Variants in SCRG1 observed in about 807,000 individuals in gnomAD.
SCRG1 encodes stimulator of chondrogenesis 1, also known as scrapie-responsive protein 1.
Under a neutral mutation model 7.7 loss-of-function variants are expected in SCRG1, and 3 were observed. The observed-to-expected ratio is 0.39, with a 90% confidence interval of 0.18 to 1.01. The LOEUF is 1.01. Among genes scored for constraint, SCRG1 ranks in the 50% least tolerant of loss-of-function variants. The probability of loss-of-function intolerance (pLI) is 0.36; values close to 1 mark genes in which losing one functional copy is unlikely to be tolerated. For synonymous variants in SCRG1, 46 were observed against 41.2 expected (o/e 1.12, Z -0.44); for missense variants, 110 against 117.2 (o/e 0.94, Z 0.28).
chr4:173,497,326 C>A, the SCRG1 span, among the ~76,000 whole-genome samples: 1 of 152,104 alleles, frequency 6.6e-6, no homozygotes, highest in Non-Finnish European at 1.5e-5. Context: ...TGCCTCACTG[C>A]CTACCTATGG....
the SCRG1 span, among the ~76,000 whole-genome samples, chr4:173,432,946 G>A: frequency 1.3e-5 from 2 of 152,186 alleles, no homozygotes; most frequent in Non-Finnish European, 2.9e-5. Context: ...AGGATTACAT[G>A]AGGAATTTTT....
At chr4:173,512,121 T>G in the SCRG1 span, among the ~76,000 whole-genome samples, 7 of 152,364 alleles carry the variant, frequency 4.6e-5, no homozygotes, top group South Asian at 1.4e-3. Flanking sequence ...GGCCTTTGGC[T>G]TCCAGTCTGA....
At chr4:173,482,876 TTA>T in the SCRG1 span, among the ~76,000 whole-genome samples, 244 of 141,598 alleles carry the variant, frequency 1.7e-3, 1 homozygote, top group Non-Finnish European at 2.8e-3. Context: ...TATATATTTT[TTA>T]TATGTTATAT....
At chr4:173,463,946 C>T in the SCRG1 span, among the ~76,000 whole-genome samples, 7 of 152,154 alleles carry the variant, frequency 4.6e-5, no homozygotes, top group South Asian at 2.1e-4. Flanking sequence ...CAAGATTCAA[C>T]GGACAATGGG....
chr4:173,484,418 T>C, the SCRG1 span, among the ~76,000 whole-genome samples: 2 of 72,404 alleles, frequency 2.8e-5, no homozygotes, highest in Non-Finnish European at 4.7e-5. Flanking sequence ...ACATATAATA[T>C]ATATTATATA....
the SCRG1 span, among the ~76,000 whole-genome samples, chr4:173,445,569 A>T: frequency 7.9e-6 from 1 of 126,078 alleles, no homozygotes; most frequent in Non-Finnish European, 1.7e-5. Flanking sequence ...GTGACAGAGT[A>T]AGACTCCGTC....
the SCRG1 span, chr4:173,469,557 A>T: frequency 6.6e-6 from 1 of 152,324 alleles, no homozygotes. Flanking sequence ...CAAATTCTAT[A>T]AACTCCCTAT....
the SCRG1 span, among the ~76,000 whole-genome samples, chr4:173,458,693 C>T: frequency 1.3e-5 from 2 of 152,040 alleles, no homozygotes; most frequent in African/African-American, 4.8e-5. Context: ...AAGAAAGCAA[C>T]AAAGGATACA....
chr4:173,470,040 A>AG, the SCRG1 span: 3 of 151,328 alleles, frequency 2.0e-5, no homozygotes, highest in African/African-American at 7.3e-5. Flanking sequence ...AGACAGAGTC[A>AG]GGGGGAATGG....
intron 1 of SCRG1, among the ~76,000 whole-genome samples, chr4:173,393,102 A>G (rs887174167): frequency 1.3e-5 from 2 of 152,208 alleles, no homozygotes; most frequent in Non-Finnish European, 2.9e-5. Flanking sequence ...AAAAAAAAAA[A>G]AAAGAAAGCA....
the SCRG1 span, among the ~76,000 whole-genome samples, chr4:173,514,706 C>A: frequency 6.6e-6 from 1 of 152,144 alleles, no homozygotes; most frequent in Non-Finnish European, 1.5e-5. Flanking sequence ...TTTTCCTTTT[C>A]AAGAAATATG....
chr4:173,515,520 G>C, the SCRG1 span, among the ~76,000 whole-genome samples: 1 of 152,160 alleles, frequency 6.6e-6, no homozygotes, highest in African/African-American at 2.4e-5. This position sits in a 1 kb window ranked among gnomAD's most constrained non-coding sequence, Gnocchi z 4.6. Context: ...TTCCCTAAAG[G>C]ATATACTTTC....
the SCRG1 span, among the ~76,000 whole-genome samples, chr4:173,485,094 AT>A: frequency 7.5e-5 from 1 of 13,312 alleles, no homozygotes; most frequent in Non-Finnish European, 2.0e-4. Flanking sequence ...TATATTATAT[AT>A]TATATATTAT....
the SCRG1 span, among the ~76,000 whole-genome samples, chr4:173,508,321 AGGAGGT>A: frequency 2.0e-5 from 3 of 152,228 alleles, no homozygotes; most frequent in African/African-American, 7.2e-5. The surrounding 1 kb of genome is among the most constrained non-coding windows in gnomAD (Gnocchi z 4.4). Flanking sequence ...GCGCTTCTGC[AGGAGGT>A]GGAGGTGGAG....
At chr4:173,448,395 C>T in the SCRG1 span, among the ~76,000 whole-genome samples, 12,328 of 152,202 alleles carry the variant, frequency 0.081, 589 homozygotes, top group Non-Finnish European at 0.097. Context: ...CATTGCCCCA[C>T]GAAAGCCTTA....
chr4:173,415,255 A>G, the SCRG1 span, among the ~76,000 whole-genome samples: 2 of 152,170 alleles, frequency 1.3e-5, no homozygotes, highest in Non-Finnish European at 2.9e-5. Context: ...GCAATTCAGG[A>G]TTTTATTGCC....
the SCRG1 span, among the ~76,000 whole-genome samples, chr4:173,516,819 G>A: frequency 2.0e-5 from 3 of 152,220 alleles, no homozygotes; most frequent in Admixed American, 6.5e-5. Context: ...GCGGCGCCGA[G>A]GGGGCCAGAG....
chr4:173,403,907 T>C (rs1739825140), upstream of SCRG1, among the ~76,000 whole-genome samples: 1 of 152,204 alleles, frequency 6.6e-6, no homozygotes, highest in African/African-American at 2.4e-5. Context: ...TCCTGAGTTA[T>C]TGCCCTAATC....
At chr4:173,494,199 C>T in the SCRG1 span, among the ~76,000 whole-genome samples, 1 of 152,180 alleles carries the variant, frequency 6.6e-6, no homozygotes, top group Non-Finnish European at 1.5e-5. Flanking sequence ...CGAGTGCCCA[C>T]CGGCCCCACA....
Sources: allele counts gnomAD v4.1 joint callset (sites outside exome capture counted in the v4.1 genomes callset), GRCh38; gene constraint gnomAD v4.1.1; non-coding constraint Gnocchi (gnomAD v3.1); transcripts MANE v1.5; gene names NCBI Gene and HGNC (gene_info 2026-07-23, HGNC 2026-07-21).